JAML: variants seen among roughly 807,000 people sequenced by gnomAD.
JAML encodes the protein junction adhesion molecule like.
Under a neutral mutation model 39.3 loss-of-function variants are expected in JAML, and 25 were observed. The observed-to-expected ratio is 0.64, with a 90% CI of 0.46 to 0.89. The LOEUF (loss-of-function observed/expected upper bound fraction) is 0.89. JAML is among the 40% of genes least tolerant of loss of function. JAML has a pLI of 0.00. For missense variants in JAML, 440 were observed against 486.9 expected (o/e 0.90, Z 0.91); for synonymous variants, 162 against 179.2 (o/e 0.90, Z 0.77).
rs772258831 is a variant in JAML at position 118,214,902 on chromosome 11, C to T, written c.-20-16G>A. 6.2e-6 allele frequency: 10 copies of T among 1,605,372 alleles called. 1 individual carries two copies. The East Asian group carries it at 2.2e-4, about 36-fold the overall frequency. ...ACTTTCAAATCTTAAGATAAAAGAACAAAAATCACAAAATCATGTCAAGAG... is the reference window on the plus strand; with the variant it reads ...ACTTTCAAATCTTAAGATAAAAGAATAAAAATCACAAAATCATGTCAAGAG... On this transcript the variant is annotated splice_polypyrimidine_tract_variant and intron_variant, in intron 1 of 9. Transcript: ENST00000356289.
intron 6 of JAML, chr11:118,203,179 A>G: frequency 1.6e-6 from 1 of 638,704 alleles, no homozygotes; most frequent in Non-Finnish European, 2.9e-6. Context: ...GAGGATTGGT[A>G]TTCACTAAAT....
chr11:118,210,451 GC>G, intron 4 of JAML, 35 bp downstream of exon 4: 1 of 1,603,606 alleles, frequency 6.2e-7, no homozygotes, highest in East Asian at 2.2e-5. Context: ...GAAAGCTCTT[GC>G]CCCTTGGCCC....
At chr11:118,217,044 G>A (rs1949152302) in intron 1 of JAML, among the ~76,000 whole-genome samples, 1 of 152,314 alleles carries the variant, frequency 6.6e-6, no homozygotes, top group Non-Finnish European at 1.5e-5. Flanking sequence ...GCACTTAGCA[G>A]TGGGACATTC....
intron 1 of JAML, among the ~76,000 whole-genome samples, 176 bp downstream of exon 1, chr11:118,224,765 A>G (rs990305344): frequency 1.3e-5 from 2 of 152,210 alleles, no homozygotes; most frequent in African/African-American, 4.8e-5. Context: ...CACGACAGTA[A>G]CTGAAACAGC....
At chr11:118,215,293 C>T (rs1207216917) in intron 1 of JAML, among the ~76,000 whole-genome samples, 1 of 152,122 alleles carries the variant, frequency 6.6e-6, no homozygotes, top group African/African-American at 2.4e-5. Context: ...ATGTTTCACA[C>T]AAACAAAAAA....
rs1009641591 is a variant in JAML at position 118,222,601 on chromosome 11, A to G, written c.-21+2340T>C. On this transcript the variant is annotated intron_variant, in intron 1 of 9. Transcript: ENST00000356289. The surrounding 1 kb of genome is among the most constrained non-coding windows in gnomAD (Gnocchi z 4.2). ...AAACATTTTATCAGAAAAAATTGAA[A>G]CTTTAATCTCTTTTAGGTCACGTGA... 6.6e-6 allele frequency among the ~76,000 whole-genome samples: 1 copy of G among 152,240 alleles called. No individual in the cohort carries two copies. The highest frequency in any genetic ancestry group is 6.5e-5 in the Admixed American group (1 of 15,290).
intron 7 of JAML, among the ~76,000 whole-genome samples, chr11:118,198,457 G>A (rs1331442125): frequency 6.6e-6 from 1 of 152,034 alleles, no homozygotes; most frequent in East Asian, 1.9e-4. Context: ...GGAGTGCCGC[G>A]AAACCAGCAG....
chr11:118,217,454 C>T (rs2134676154), intron 1 of JAML, among the ~76,000 whole-genome samples: 1 of 152,286 alleles, frequency 6.6e-6, no homozygotes, highest in South Asian at 2.1e-4. Context: ...CTCGGATGCA[C>T]CTCTAGAACT....
intron 7 of JAML, 27 bp from the exon 8 acceptor site, chr11:118,198,118 T>C (rs755830458): frequency 6.3e-7 from 1 of 1,597,020 alleles, no homozygotes; most frequent in African/African-American, 1.3e-5. Context: ...GCATGTGGAA[T>C]TAACCAGCGG....
rs921286541 is a variant in JAML, at chr11:118,206,136, C to T, written c.425-145G>A. ...AAACACTGTACGTATTCCCTCTGTA[C>T]GAATTCCCTCTGTGGGTGATCCAGA... On this transcript the variant is annotated intron_variant, in intron 4 of 9. Coordinates refer to ENST00000356289, the MANE Select transcript of JAML (RefSeq NM_001098526.2). 4.3e-5 allele frequency: 29 copies of T among 668,060 alleles called. No individual in the cohort carries two copies. In the Admixed American group the frequency reaches 6.9e-4, roughly 16 times the overall value. The allele number at this position is 668,060 out of a possible 1,614,324, so 41.4% of individuals were successfully genotyped here. A position where few individuals can be genotyped will look rare whatever the true frequency, so the allele number is the denominator to read the frequency against.
chr11:118,196,672 CCCACCA>C, intron 9 of JAML, 57 bp downstream of exon 9: 4 of 1,454,010 alleles, frequency 2.8e-6, no homozygotes, highest in Non-Finnish European at 3.9e-6. Flanking sequence ...CCCAGCCACG[CCCACCA>C]CCACCACCAC....
chr11:118,213,230 T>A (rs771843293), intron 2 of JAML: 16 of 1,277,302 alleles, frequency 1.3e-5, no homozygotes, highest in Non-Finnish European at 1.6e-5. Context: ...TTTCGAGCGG[T>A]CACTACAAGA....
intron 4 of JAML, among the ~76,000 whole-genome samples, chr11:118,209,950 G>A (rs1949012116): frequency 6.6e-6 from 1 of 151,402 alleles, no homozygotes; most frequent in African/African-American, 2.4e-5. Context: ...CTGCAGTCTT[G>A]AACCCTGGGG....
intron 9 of JAML, among the ~76,000 whole-genome samples, chr11:118,195,115 G>C (rs111527225): frequency 6.6e-6 from 1 of 152,200 alleles, no homozygotes; most frequent in Non-Finnish European, 1.5e-5. Flanking sequence ...TCTGCAAACA[G>C]TGCCACCCTG....
In JAML at chr11:118,212,960, G is replaced by T. The variant is rs561539943; in HGVS notation, c.44-399C>A. 8 of 1,614,070 alleles carry T rather than the reference G, an allele frequency of 5.0e-6. No individual in the cohort carries two copies. In the Admixed American group the frequency reaches 8.3e-5, roughly 17 times the overall value. Reference sequence around the variant, plus strand: ...TTCCTTGCTCTTAAATCTCCCACTGGTTCCCTCTCTGAAAAGGGACCTTTT... The same window carrying T: ...TTCCTTGCTCTTAAATCTCCCACTGTTTCCCTCTCTGAAAAGGGACCTTTT... On this transcript the variant is annotated intron_variant, in intron 2 of 9. Transcript: ENST00000356289.
intron 6 of JAML, 86 bp from the exon 7 acceptor site, chr11:118,200,698 G>T: frequency 6.6e-7 from 1 of 1,508,656 alleles, no homozygotes; most frequent in Non-Finnish European, 9.1e-7. Flanking sequence ...AGTAGCACCA[G>T]CCAGGCCACG....
intron 9 of JAML, among the ~76,000 whole-genome samples, chr11:118,196,274 C>T (rs76906420): frequency 0.022 from 3,407 of 151,856 alleles, 140 homozygotes; most frequent in African/African-American, 0.077. Context: ...ATTATAGGCA[C>T]GCATCTCCAC....
At chr11:118,207,443 C>T (rs577691282) in intron 4 of JAML, among the ~76,000 whole-genome samples, 5 of 152,328 alleles carry the variant, frequency 3.3e-5, no homozygotes, top group South Asian at 2.1e-4. Context: ...AGTTTTCTCA[C>T]TCACTCTACT....
intron 7 of JAML, among the ~76,000 whole-genome samples, chr11:118,198,908 A>C (rs944586146): frequency 2.6e-5 from 4 of 152,196 alleles, no homozygotes; most frequent in African/African-American, 9.6e-5. Flanking sequence ...CCCACATTTT[A>C]CAACTGTCCT....
Sources: allele counts gnomAD v4.1 joint callset (sites outside exome capture counted in the v4.1 genomes callset), GRCh38; gene constraint gnomAD v4.1.1; non-coding constraint Gnocchi (gnomAD v3.1); transcripts MANE v1.5; gene names NCBI Gene and HGNC (gene_info 2026-07-23, HGNC 2026-07-21).